SYNE2: variants seen among roughly 807,000 people sequenced by gnomAD.
SYNE2 encodes the protein nesprin-2.
Under a neutral mutation model 856.3 loss-of-function variants are expected in SYNE2, and 431 were observed. The ratio of observed to expected loss-of-function variants is 0.50; its 90% CI spans 0.47 to 0.55. The LOEUF is 0.55. Among genes scored for constraint, SYNE2 ranks in the 20% least tolerant of loss-of-function variants. The pLI is 0.00. For missense variants in SYNE2, 8,129 were observed against 8,023.2 expected (o/e 1.01, Z -0.50); for synonymous variants, 2,923 against 2,872.3 (o/e 1.02, Z -0.56).
chr14:64,022,111 C>T, intron 37 of SYNE2, 83 bp downstream of exon 37: 14 of 1,321,378 alleles, frequency 1.1e-5, no homozygotes, highest in East Asian at 2.3e-5. Context: ...CTAATCTAAG[C>T]CTGACTTAGA....
At position 64,188,617 on chromosome 14, in the gene SYNE2, A is replaced by G; in HGVS notation, c.17780A>G (p.Lys5927Arg). 2.5e-6 allele frequency: 4 copies of G among 1,614,220 alleles called. No homozygotes were observed. The highest frequency in any genetic ancestry group is 2.5e-6 in the Non-Finnish European group (3 of 1,180,028). Residue 5927 changes from lysine (K) to arginine (R), a missense_variant, in exon 98 of 116, where the codon AAA becomes AGA. Physicochemically the swap from Lys to Arg is conservative, Grantham distance 26. Transcript: ENST00000555002. ...TGGGTTGTATTCAATGAAAAAAATA[A>G]AGAGTTGTGTGCCTGGCTGGTGCAG... Reference protein sequence around the residue: ...NTWVVFNEKNKELCAWLVQME... With the variant: ...NTWVVFNEKNRELCAWLVQME...
chr14:64,202,758 G>A (rs1301644644), intron 99 of SYNE2, 43 bp from the exon 100 acceptor site: 2 of 1,613,128 alleles, frequency 1.2e-6, no homozygotes, highest in Non-Finnish European at 1.7e-6. Flanking sequence ...TTCCATCACT[G>A]GTTTTTTTTT....
chr14:64,190,717 A>G, intron 99 of SYNE2: 1 of 671,416 alleles, frequency 1.5e-6, no homozygotes, highest in Non-Finnish European at 2.7e-6. Context: ...GTGTGGGCTC[A>G]GAGTGCCAGG....
At chr14:64,077,384 GA>G (rs950947602) in intron 54 of SYNE2, among the ~76,000 whole-genome samples, 3 of 22,010 alleles carry the variant, frequency 1.4e-4, no homozygotes, top group African/African-American at 4.8e-4. Flanking sequence ...ACCAAAGTGG[GA>G]TTTTTTTTTT....
intron 1 of SYNE2, among the ~76,000 whole-genome samples, chr14:63,794,687 G>A (rs1391449538): frequency 6.6e-6 from 1 of 152,036 alleles, no homozygotes; most frequent in Non-Finnish European, 1.5e-5. Context: ...TTAGAGAAAT[G>A]CAAATTACAA....
chr14:63,854,887 G>A (rs1259525449), intron 1 of SYNE2, among the ~76,000 whole-genome samples: 1 of 151,934 alleles, frequency 6.6e-6, no homozygotes, highest in African/African-American at 2.4e-5. Context: ...TTTAAAAACT[G>A]AATGAATCAC....
intron 11 of SYNE2, among the ~76,000 whole-genome samples, chr14:63,970,734 A>T (rs1355176096): frequency 1.4e-4 from 20 of 141,832 alleles, no homozygotes; most frequent in African/African-American, 5.3e-4. Context: ...GCTCATTACA[A>T]CCTCTGCCTC....
intron 104 of SYNE2, 60 bp from the exon 105 acceptor site, chr14:64,212,751 C>A (rs2098647810): frequency 2.7e-6 from 4 of 1,496,024 alleles, no homozygotes; most frequent in South Asian, 2.3e-5. Flanking sequence ...TTAGAAGAAA[C>A]AGGCAGTGGA....
chr14:63,950,859 G>A (rs569623440), intron 7 of SYNE2, among the ~76,000 whole-genome samples: 122 of 152,104 alleles, frequency 8.0e-4, no homozygotes, highest in African/African-American at 2.9e-3. Context: ...GTTTTGCCGT[G>A]TTGCCCAGGC....
chr14:64,127,951 G>T (rs1423126858), intron 73 of SYNE2, among the ~76,000 whole-genome samples: 1 of 152,168 alleles, frequency 6.6e-6, no homozygotes, highest in East Asian at 1.9e-4. Context: ...CAGGGATTCT[G>T]CAGGTTAAGA....
chr14:64,098,922 A>AATATCAAC, intron 63 of SYNE2, 101 bp downstream of exon 63: 2 of 1,155,668 alleles, frequency 1.7e-6, no homozygotes, highest in Non-Finnish European at 2.5e-6. Flanking sequence ...GAATTTTTAA[A>AATATCAAC]ATTAATGTTG....
chr14:64,212,863 T>G lies in SYNE2; in HGVS notation c.18914T>G (p.Val6305Gly), dbSNP rs1329783504. 1 of 1,614,160 alleles carries G rather than the reference T, an allele frequency of 6.2e-7. No individual in the cohort carries two copies. Among genetic ancestry groups the G allele is most frequent in the Non-Finnish European group, 8.5e-7 (1 of 1,180,016 alleles). The part of the protein sequence containing the change: ...LNTNKIDQLI[V>G]FGEQLIQKSE... The stretch of plus-strand genomic sequence containing the variant: ...ACCAACAAGATTGATCAGCTCATTG[T>G]GTTTGGGGAGCAGCTGATTCAGAAG... The change falls in exon 105 of 116, where the codon GTG (valine) becomes GGG (glycine). Residue 6305 changes from valine to glycine, a missense_variant. By Grantham distance (109) the Val-to-Gly change is moderately radical. Around this residue, in one of 3 missense-constraint regions of SYNE2, gnomAD observed 5,410 missense variants for 5,284.8 expected, o/e 1.02. Transcript: ENST00000555002.
At chr14:64,084,344 A>G (rs935280844) in intron 57 of SYNE2, 1 of 152,268 alleles carries the variant, frequency 6.6e-6, no homozygotes, top group African/African-American at 2.4e-5. Flanking sequence ...CACCACCGCC[A>G]TCAATATAAG....
At chr14:63,895,853 A>G (rs1312575492) in intron 1 of SYNE2, among the ~76,000 whole-genome samples, 2 of 151,484 alleles carry the variant, frequency 1.3e-5, no homozygotes, top group African/African-American at 4.8e-5. Context: ...CAATTTTGTA[A>G]TTTCAACATG....
chr14:64,071,879 A>G (rs1388578449), intron 52 of SYNE2, among the ~76,000 whole-genome samples: 2 of 152,004 alleles, frequency 1.3e-5, no homozygotes, highest in Non-Finnish European at 2.9e-5. Context: ...TTAGCCGGGC[A>G]TGGTGGCGCA....
At chr14:64,051,002 C>G (rs1214974750) in intron 47 of SYNE2, among the ~76,000 whole-genome samples, 3 of 147,856 alleles carry the variant, frequency 2.0e-5, no homozygotes, top group Admixed American at 6.7e-5. Flanking sequence ...GCCTGGGTGA[C>G]AGAGTGAGAC....
At chr14:64,057,332 T>C (rs1020762700) in intron 49 of SYNE2, among the ~76,000 whole-genome samples, 1 of 152,148 alleles carries the variant, frequency 6.6e-6, no homozygotes, top group Non-Finnish European at 1.5e-5. Flanking sequence ...AATTCAATTG[T>C]TTTGATTATT....
intron 1 of SYNE2, among the ~76,000 whole-genome samples, chr14:63,873,179 A>C (rs2094628070): frequency 6.6e-6 from 1 of 152,214 alleles, no homozygotes; most frequent in South Asian, 2.1e-4. Context: ...CTCATATTTG[A>C]AAATGGGTAT....
chr14:64,025,472 A>C, intron 41 of SYNE2, 51 bp downstream of exon 41: 1 of 1,562,396 alleles, frequency 6.4e-7, no homozygotes, highest in Non-Finnish European at 8.7e-7. Flanking sequence ...TCTAGTTTTG[A>C]AAAGATTTAG....
Sources: allele counts gnomAD v4.1 joint callset (sites outside exome capture counted in the v4.1 genomes callset), GRCh38; gene constraint gnomAD v4.1.1; regional missense constraint gnomAD v4.1.1; transcripts MANE v1.5; gene names NCBI Gene and HGNC (gene_info 2026-07-23, HGNC 2026-07-21).